Variants in TLK1 observed in about 807,000 individuals in gnomAD.
The protein encoded by TLK1 is serine/threonine-protein kinase tousled-like 1.
A neutral mutation model predicts 105.3 loss-of-function variants in TLK1; 24 were observed. That is an observed-to-expected ratio of 0.23 (90% confidence interval 0.17 to 0.32). The LOEUF (loss-of-function observed/expected upper bound fraction) is 0.32, where lower values mean the gene tolerates loss of function less well. Ranked by LOEUF, TLK1 falls within the 10% of genes least tolerant of loss-of-function variation. The pLI, the probability that TLK1 is intolerant of heterozygous loss-of-function variation, is 1.00. For synonymous variants in TLK1, 321 were observed against 310.4 expected (o/e 1.03, Z -0.36); for missense variants, 558 against 910.5 (o/e 0.61, Z 4.98).
chr2:171,193,903 G>A (rs57145113), intron 1 of TLK1, among the ~76,000 whole-genome samples: 16,481 of 151,160 alleles, frequency 0.11, 1,331 homozygotes, highest in African/African-American at 0.23. Context: ...TATTTATAGT[G>A]AAGACAGGGT....
intron 1 of TLK1, among the ~76,000 whole-genome samples, chr2:171,135,889 A>G (rs1377081712): frequency 1.3e-5 from 2 of 152,244 alleles, no homozygotes; most frequent in African/African-American, 4.8e-5. Flanking sequence ...CTACCATCAA[A>G]AACACTGAAA....
chr2:171,112,998 C>A (rs1303465555), intron 2 of TLK1, among the ~76,000 whole-genome samples: 2 of 151,480 alleles, frequency 1.3e-5, no homozygotes, highest in Non-Finnish European at 2.9e-5. Flanking sequence ...AGGAAAAAGA[C>A]ACAAAAAAAG....
intron 1 of TLK1, among the ~76,000 whole-genome samples, chr2:171,212,417 T>C (rs569932238): frequency 1.3e-5 from 2 of 151,962 alleles, no homozygotes; most frequent in African/African-American, 4.8e-5. Flanking sequence ...TATCTGGTAA[T>C]AGGTCCTTGA....
At chr2:171,031,190 C>G (rs1575532209) in intron 11 of TLK1, among the ~76,000 whole-genome samples, 1 of 152,136 alleles carries the variant, frequency 6.6e-6, no homozygotes, top group Non-Finnish European at 1.5e-5. Context: ...CATTTTCTCT[C>G]CCTCTTCCTA....
chr2:171,053,120 C>G (rs1161541883), intron 8 of TLK1, among the ~76,000 whole-genome samples: 1 of 152,156 alleles, frequency 6.6e-6, no homozygotes, highest in African/African-American at 2.4e-5. Context: ...TCCTACAGAA[C>G]TGCAGCAGTT....
intron 1 of TLK1, among the ~76,000 whole-genome samples, chr2:171,118,578 A>G (rs1348873936): frequency 1.3e-5 from 2 of 152,198 alleles, no homozygotes; most frequent in African/African-American, 4.8e-5. Context: ...AATTAAGGGG[A>G]AAAATTTAAC....
intron 11 of TLK1, among the ~76,000 whole-genome samples, chr2:171,035,487 C>T (rs1686283492): frequency 6.6e-6 from 1 of 152,176 alleles, no homozygotes; most frequent in Non-Finnish European, 1.5e-5. Context: ...AAACCTCTTT[C>T]TTTTGTAACT....
intron 18 of TLK1, among the ~76,000 whole-genome samples, chr2:171,002,569 T>C (rs2676146): frequency 0.96 from 145,762 of 152,132 alleles, 70,090 homozygotes; most frequent in East Asian, 1. Context: ...CCACCGCGCC[T>C]GGCCTGCTTT....
At chr2:171,185,126 A>C (rs1693003034) in intron 1 of TLK1, among the ~76,000 whole-genome samples, 1 of 152,184 alleles carries the variant, frequency 6.6e-6, no homozygotes, top group Non-Finnish European at 1.5e-5. Context: ...GGCGTGAGCC[A>C]CCGAGCCCGG....
chr2:171,016,338 T>C (rs892075739), intron 12 of TLK1, among the ~76,000 whole-genome samples: 6 of 152,252 alleles, frequency 3.9e-5, no homozygotes, highest in African/African-American at 1.4e-4. Context: ...CTCACTGTGT[T>C]GCCCAGGCTA....
chr2:171,070,846 G>A (rs545764298), intron 3 of TLK1, among the ~76,000 whole-genome samples: 75 of 152,246 alleles, frequency 4.9e-4, no homozygotes, highest in African/African-American at 1.7e-3. Flanking sequence ...AGGAACCTCC[G>A]AACTGTTCTT....
At chr2:171,015,921 A>T (rs559417828) in intron 12 of TLK1, among the ~76,000 whole-genome samples, 106 of 152,136 alleles carry the variant, frequency 7.0e-4, no homozygotes, top group African/African-American at 2.5e-3. Context: ...TCTACTAAAA[A>T]TACAAAATTA....
chr2:171,203,799 C>T (rs973525158), intron 1 of TLK1, among the ~76,000 whole-genome samples: 1 of 152,144 alleles, frequency 6.6e-6, no homozygotes, highest in Non-Finnish European at 1.5e-5. Context: ...ACTGTAATCT[C>T]AGCACTTTGG....
At chr2:171,199,208 G>C (rs1266963451) in intron 1 of TLK1, among the ~76,000 whole-genome samples, 1 of 152,130 alleles carries the variant, frequency 6.6e-6, no homozygotes, top group African/African-American at 2.4e-5. Flanking sequence ...AGGTCATTCT[G>C]AACTCAAAAC....
At chr2:170,998,948 T>C (rs1428773357) in intron 18 of TLK1, among the ~76,000 whole-genome samples, 3 of 152,166 alleles carry the variant, frequency 2.0e-5, no homozygotes, top group African/African-American at 7.2e-5. Flanking sequence ...CTTTCTTCTT[T>C]GTAGTGATAG....
chr2:171,059,985 C>A (rs3821087), intron 4 of TLK1: 93,659 of 1,612,080 alleles, frequency 0.058, 3,004 homozygotes, highest in East Asian at 0.097. Flanking sequence ...GGTTGGGGAA[C>A]CCTGCAGAAG....
chr2:171,185,135 G>C (rs78250340), intron 1 of TLK1, among the ~76,000 whole-genome samples: 3 of 152,014 alleles, frequency 2.0e-5, no homozygotes, highest in South Asian at 2.1e-4. Context: ...CACCGAGCCC[G>C]GCCTATAACT....
intron 18 of TLK1, among the ~76,000 whole-genome samples, chr2:171,002,591 C>A (rs146496533): frequency 6.8e-4 from 104 of 151,996 alleles, no homozygotes; most frequent in African/African-American, 2.4e-3. Context: ...TCTAAAATCA[C>A]ATTACAGTCT....
chr2:171,178,091 C>G (rs780843239), intron 1 of TLK1, among the ~76,000 whole-genome samples: 5 of 152,240 alleles, frequency 3.3e-5, no homozygotes, highest in African/African-American at 9.6e-5. Context: ...AGCCACTGCA[C>G]CTGGCCTTGC....
Sources: gnomAD v4.1 joint callset for allele counts (sites outside exome capture counted in the v4.1 genomes callset) on GRCh38, gnomAD v4.1.1 for gene constraint, MANE v1.5 for transcripts, NCBI Gene and HGNC (gene_info 2026-07-23, HGNC 2026-07-21) for gene names.